UPF2: variants seen among roughly 807,000 people sequenced by gnomAD.
The protein encoded by UPF2 is regulator of nonsense transcripts 2.
In UPF2, 17 loss-of-function variants were observed where a neutral mutation model predicts 141.4. The observed-to-expected ratio is 0.12, with a 90% CI of 0.08 to 0.18. The LOEUF is 0.18. Among genes scored for constraint, UPF2 ranks in the 10% least tolerant of loss-of-function variants. UPF2 has a pLI of 1.00. For missense variants in UPF2, 1,152 were observed against 1,515.9 expected, an observed-to-expected ratio of 0.76 and a Z score of 3.99; for synonymous variants, 540 against 498.0, an observed-to-expected ratio of 1.08 and a Z score of -1.12.
chr10:11,942,095 C>T (rs1334124055), intron 18 of UPF2, among the ~76,000 whole-genome samples: 1 of 152,128 alleles, frequency 6.6e-6, no homozygotes, highest in East Asian at 1.9e-4. Context: ...ACTTAATAGG[C>T]CAGGCATGGT....
intron 9 of UPF2, 79 bp downstream of exon 9, chr10:11,978,978 C>A: frequency 8.5e-7 from 1 of 1,173,902 alleles, no homozygotes; most frequent in Non-Finnish European, 1.2e-6. Context: ...AATATGCTTA[C>A]CAACAATTAC....
chr10:12,002,174 G>A (rs1833963726), intron 5 of UPF2, among the ~76,000 whole-genome samples: 1 of 152,162 alleles, frequency 6.6e-6, no homozygotes, highest in African/African-American at 2.4e-5. Context: ...AGGAGGCTGA[G>A]GCAGGAGAAT....
Position 11,936,343 on chromosome 10 carries a change from C to CGACAAAGTGA in UPF2, c.3546+192_3546+201dup, listed in dbSNP as rs1832849881. On this transcript the variant is annotated intron_variant, in intron 19 of 21. Transcript: ENST00000357604. This position sits in a 1 kb window ranked among gnomAD's most constrained non-coding sequence, Gnocchi z 6.6. ...CAAGACCCTGCCACTCCAGCCTGGG[C>CGACAAAGTGA]GACAAAGTGAGACGCCGTCTCAAAA... 6.6e-6 allele frequency among the ~76,000 whole-genome samples: 1 copy of CGACAAAGTGA among 151,558 alleles called. No homozygotes were observed. The highest frequency in any genetic ancestry group is 2.4e-5 in the African/African-American group (1 of 41,200).
At chr10:12,017,332 A>G (rs548757177) in intron 3 of UPF2, among the ~76,000 whole-genome samples, 5 of 152,386 alleles carry the variant, frequency 3.3e-5, no homozygotes, top group Non-Finnish European at 2.9e-5. Context: ...ACAAACATCC[A>G]GTCCATTGAG....
chr10:11,942,336 G>A (rs1832946276), intron 18 of UPF2, among the ~76,000 whole-genome samples: 1 of 152,080 alleles, frequency 6.6e-6, no homozygotes, highest in Non-Finnish European at 1.5e-5. Flanking sequence ...TCGTGCCACT[G>A]CACTCCAGCC....
intron 16 of UPF2, among the ~76,000 whole-genome samples, chr10:11,943,747 CACT>C (rs1189313513): frequency 6.6e-6 from 1 of 152,112 alleles, no homozygotes; most frequent in Admixed American, 6.5e-5. Flanking sequence ...CCCAAGGGCA[CACT>C]GCTGTTAAGC....
At chr10:12,040,906 T>C (rs2131324633) in intron 1 of UPF2, among the ~76,000 whole-genome samples, 1 of 152,324 alleles carries the variant, frequency 6.6e-6, no homozygotes, top group African/African-American at 2.4e-5. Context: ...ATTTGTAAAG[T>C]CAGATAAAGA....
intron 11 of UPF2, among the ~76,000 whole-genome samples, chr10:11,960,975 G>A (rs1189829899): frequency 4.0e-5 from 6 of 150,810 alleles, no homozygotes; most frequent in African/African-American, 9.8e-5. Context: ...CCATAGTCCC[G>A]GCTATTTGGG....
intron 14 of UPF2, 105 bp downstream of exon 14, chr10:11,955,125 CAT>C (rs1270697522): frequency 1.4e-5 from 15 of 1,078,760 alleles, no homozygotes; most frequent in Admixed American, 7.3e-5. Context: ...TAATTATGAA[CAT>C]ATATATAATA....
chr10:11,923,128 C>T (rs1832667093), intron 21 of UPF2: 1 of 152,186 alleles, frequency 6.6e-6, no homozygotes, highest in South Asian at 2.1e-4. Context: ...AGGCCACACA[C>T]CAGCAGTTTT....
At chr10:12,013,846 T>C (rs1027100227) in intron 4 of UPF2, among the ~76,000 whole-genome samples, 178 bp downstream of exon 4, 1 of 152,098 alleles carries the variant, frequency 6.6e-6, no homozygotes, top group Non-Finnish European at 1.5e-5. Flanking sequence ...GCGATCCTCT[T>C]ACCTTGGATT....
chr10:11,926,237 A>G (rs4750144), intron 21 of UPF2, among the ~76,000 whole-genome samples: 127,708 of 152,206 alleles, frequency 0.84, 53,906 homozygotes, highest in Non-Finnish European at 0.89. Flanking sequence ...TGTGGACAAG[A>G]GGGCAGACAA....
At chr10:12,004,353 A>G (rs956324617) in intron 5 of UPF2, among the ~76,000 whole-genome samples, 177 bp downstream of exon 5, 2 of 152,236 alleles carry the variant, frequency 1.3e-5, no homozygotes, top group South Asian at 2.1e-4. Context: ...AAGTATGTCA[A>G]TTATCATCCT....
intron 8 of UPF2, among the ~76,000 whole-genome samples, chr10:11,983,105 T>G (rs960963102): frequency 6.6e-6 from 1 of 152,222 alleles, no homozygotes; most frequent in African/African-American, 2.4e-5. Flanking sequence ...GTTAGATAAA[T>G]GAATTATCTC....
chr10:11,997,584 C>T, intron 8 of UPF2, 88 bp downstream of exon 8: 1 of 1,157,240 alleles, frequency 8.6e-7, no homozygotes, highest in Admixed American at 2.0e-5. Context: ...AAATCAAAAG[C>T]AATATTTTTC....
At chr10:12,012,768 C>A (rs572974297) in intron 4 of UPF2, among the ~76,000 whole-genome samples, 5 of 148,274 alleles carry the variant, frequency 3.4e-5, no homozygotes, top group Non-Finnish European at 7.4e-5. Flanking sequence ...CACTGCATTC[C>A]AGCCTGGGCA....
intron 8 of UPF2, among the ~76,000 whole-genome samples, chr10:11,989,677 G>A (rs1833748021): frequency 6.6e-6 from 1 of 152,182 alleles, no homozygotes; most frequent in South Asian, 2.1e-4. Flanking sequence ...TGCTTCACAT[G>A]CTTCCCTACA....
chr10:12,035,420 G>T lies in UPF2; in HGVS notation c.4C>A (p.Pro2Thr). 6.4e-7 allele frequency: 1 copy of T among 1,571,926 alleles called. No homozygotes were observed. Reference sequence around the variant, plus strand: ...CTTGCTGGCTTTTTACGCTCAGCTGGCATTATGTGACCCAGGACAATCTGT... The same window carrying T: ...CTTGCTGGCTTTTTACGCTCAGCTGTCATTATGTGACCCAGGACAATCTGT... M[P>T]AERKKPASME... The change falls in exon 2 of 22, where the codon CCA (proline) becomes ACA (threonine). Residue 2 changes from proline (P) to threonine (T), a missense_variant. By Grantham distance (38) the Pro-to-Thr change is conservative. Coordinates refer to ENST00000357604, the MANE Select transcript of UPF2 (RefSeq NM_015542.4).
Position 11,929,997 on chromosome 10 carries a change from A to G in UPF2, c.3689-12T>C, listed in dbSNP as rs777856396. 3 of 1,614,046 alleles carry G rather than the reference A, an allele frequency of 1.9e-6. No individual in the cohort carries two copies. The highest frequency in any genetic ancestry group is 2.5e-6 in the Non-Finnish European group (3 of 1,179,928). ...AGACTGCAACATTTCTGTAATTAGG[A>G]GCAAAAAAAGAGAATGCTGTTAACT... On this transcript the variant is annotated splice_polypyrimidine_tract_variant and intron_variant, in intron 20 of 21. Transcript: ENST00000357604.
Sources: allele counts gnomAD v4.1 joint callset (sites outside exome capture counted in the v4.1 genomes callset), GRCh38; gene constraint gnomAD v4.1.1; non-coding constraint Gnocchi (gnomAD v3.1); transcripts MANE v1.5; gene names NCBI Gene and HGNC (gene_info 2026-07-23, HGNC 2026-07-21).